Variants in GALM observed in about 807,000 individuals in gnomAD.
GALM encodes galactose mutarotase.
In GALM, 43 loss-of-function variants were observed where a neutral mutation model predicts 37.4. The observed-to-expected ratio is 1.15, with a 90% confidence interval of 0.90 to 1.48. The LOEUF (loss-of-function observed/expected upper bound fraction) is 1.48, where lower values mean the gene tolerates loss of function less well. Among genes scored for constraint, GALM ranks in the 40% most tolerant of loss-of-function variants. GALM has a pLI of 0.00. For synonymous variants in GALM, 199 were observed against 170.6 expected (o/e 1.17, Z -1.30); for missense variants, 456 against 419.1 (o/e 1.09, Z -0.77).
chr2:38,705,081 G>T (rs1666011225), intron 4 of GALM, among the ~76,000 whole-genome samples: 1 of 152,180 alleles, frequency 6.6e-6, no homozygotes, highest in African/African-American at 2.4e-5. Flanking sequence ...TGTGAAAATT[G>T]CAGGCTAACA....
At position 38,733,803 on chromosome 2, in the gene GALM, A is replaced by G. The variant is rs1666653643; in HGVS notation, c.*238A>G. 8.0e-6 allele frequency: 4 copies of G among 500,862 alleles called. No individual in the cohort carries two copies. The Admixed American group carries it at 9.3e-5, about 12-fold the overall frequency. The allele number at this position is 500,862 out of a possible 1,614,324, so 31.0% of individuals were successfully genotyped here. ...TTCAGAGGGCAAGTGAACCCAACCAACAATGTCGTCATCTAAGCCCTGACC... is the reference window on the plus strand; with the variant it reads ...TTCAGAGGGCAAGTGAACCCAACCAGCAATGTCGTCATCTAAGCCCTGACC... On this transcript the variant is annotated 3_prime_UTR_variant, in exon 7 of 7. Transcript: ENST00000272252.
chr2:38,705,287 C>T lies in GALM; in HGVS notation c.634+15393C>T, dbSNP rs541981602. Among the ~76,000 whole-genome samples the T allele has an allele frequency of 2.2e-4, 33 of 152,228 alleles. 4 individuals are homozygous for T. The South Asian group carries it at 6.0e-3, about 28-fold the overall frequency. On this transcript the variant is annotated intron_variant, in intron 4 of 6. Transcript: ENST00000272252. Reference sequence around the variant, plus strand: ...TAGTGGGACTGTGGGCCTTGGGCAACGGACCTGATGTTAACTCAAGTAAGT... The same window carrying T: ...TAGTGGGACTGTGGGCCTTGGGCAATGGACCTGATGTTAACTCAAGTAAGT...
intron 4 of GALM, among the ~76,000 whole-genome samples, chr2:38,713,120 C>T (rs1666204354): frequency 6.6e-6 from 1 of 152,086 alleles, no homozygotes; most frequent in Admixed American, 6.6e-5. Flanking sequence ...AGCAGGAGGC[C>T]CTGGGTCTGC....
intron 4 of GALM, among the ~76,000 whole-genome samples, chr2:38,708,221 G>A (rs1167081674): frequency 6.6e-6 from 1 of 151,886 alleles, no homozygotes; most frequent in African/African-American, 2.4e-5. Flanking sequence ...TATCTCTTGA[G>A]CCCAGAGAGC....
At chr2:38,702,324 A>T (rs1665935940) in intron 4 of GALM, among the ~76,000 whole-genome samples, 1 of 152,116 alleles carries the variant, frequency 6.6e-6, no homozygotes, top group Non-Finnish European at 1.5e-5. Context: ...CATTTCACTG[A>T]TCAAAAAAAT....
chr2:38,677,044 T>C (rs1458448519), intron 2 of GALM, among the ~76,000 whole-genome samples: 2 of 152,192 alleles, frequency 1.3e-5, no homozygotes, highest in Non-Finnish European at 2.9e-5. Context: ...AAAACGACCA[T>C]TCTTTAAGCA....
intron 4 of GALM, among the ~76,000 whole-genome samples, chr2:38,694,947 C>A (rs1665771207): frequency 6.6e-6 from 1 of 151,440 alleles, no homozygotes; most frequent in African/African-American, 2.4e-5. Context: ...GGAAAGTCAC[C>A]TCAGGTGTCA....
chr2:38,667,769 G>A (rs1664987150), intron 1 of GALM, among the ~76,000 whole-genome samples: 1 of 151,932 alleles, frequency 6.6e-6, no homozygotes, highest in African/African-American at 2.4e-5. Context: ...TCTGGGAGGC[G>A]GAAGTTGCAG....
Position 38,708,976 on chromosome 2 carries a change from C to T in GALM, c.634+19082C>T, listed in dbSNP as rs72795183. ...TTCTGTGGGCTTTCTCCAGCTCTCT[C>T]GGCAGGGCGGAGTCAGGAGCAGAGA... On this transcript the variant is annotated intron_variant, in intron 4 of 6. Transcript: ENST00000272252. 7.9e-3 allele frequency among the ~76,000 whole-genome samples: 1,195 copies of T among 152,162 alleles called. 9 individuals carry two copies. Among genetic ancestry groups the T allele is most frequent in the Non-Finnish European group, 0.012 (791 of 67,998 alleles).
intron 4 of GALM, among the ~76,000 whole-genome samples, chr2:38,695,311 T>A (rs1010504099): frequency 6.6e-6 from 1 of 151,628 alleles, no homozygotes; most frequent in Non-Finnish European, 1.5e-5. Context: ...ATAAATAAAT[T>A]AAATAAATAA....
At chr2:38,682,168 A>G (rs559917683) in intron 3 of GALM, 11 of 364,596 alleles carry the variant, frequency 3.0e-5, no homozygotes, top group Non-Finnish European at 6.5e-5. Flanking sequence ...AACTGCCCAC[A>G]TAAGAGTGGT....
At chr2:38,707,876 G>T (rs183829960) in intron 4 of GALM, among the ~76,000 whole-genome samples, 1 of 152,176 alleles carries the variant, frequency 6.6e-6, no homozygotes, top group East Asian at 1.9e-4. Flanking sequence ...GGGAGGCCGA[G>T]GTGGGTGGAT....
chr2:38,675,577 G>T (rs1665239287), intron 1 of GALM, among the ~76,000 whole-genome samples: 2 of 129,086 alleles, frequency 1.5e-5, no homozygotes, highest in African/African-American at 6.3e-5. Flanking sequence ...GTGTGTGTGT[G>T]TGTGTGTGTG....
At chr2:38,681,588 T>A in intron 3 of GALM, 102 bp downstream of exon 3, 1 of 965,024 alleles carries the variant, frequency 1.0e-6, no homozygotes, top group South Asian at 1.4e-5. Context: ...GGCAGTGAGG[T>A]CACCCTCATG....
At position 38,717,788 on chromosome 2, in the gene GALM, G is replaced by A. The variant is rs536102877; in HGVS notation, c.635-11768G>A. On this transcript the variant is annotated intron_variant, in intron 4 of 6. Transcript: ENST00000272252. The stretch of plus-strand genomic sequence containing the variant: ...GTGAGTAAGTCCATGTGAGCCCTAA[G>A]ACAGCTTGCATAGATTTGTAAAGCA... Among the ~76,000 whole-genome samples the A allele has an allele frequency of 2.6e-5, 4 of 152,012 alleles. No homozygotes were observed. The South Asian group carries it at 8.4e-4, about 32-fold the overall frequency.
intron 3 of GALM, among the ~76,000 whole-genome samples, chr2:38,689,158 A>G (rs951713556): frequency 6.6e-6 from 1 of 152,190 alleles, no homozygotes; most frequent in African/African-American, 2.4e-5. Flanking sequence ...ATGAGAGTCT[A>G]TGAGGTTAAA....
chr2:38,670,469 G>A (rs1242426196), intron 1 of GALM, among the ~76,000 whole-genome samples: 1 of 152,210 alleles, frequency 6.6e-6, no homozygotes, highest in Non-Finnish European at 1.5e-5. Context: ...TCACGCCCAG[G>A]AGCACCCTGG....
chr2:38,673,387 A>G (rs532844230), intron 1 of GALM, among the ~76,000 whole-genome samples: 1 of 152,314 alleles, frequency 6.6e-6, no homozygotes, highest in East Asian at 1.9e-4. Context: ...CAATCTCCAG[A>G]CCTTAATCTT....
intron 1 of GALM, among the ~76,000 whole-genome samples, chr2:38,675,124 G>A (rs1156473065): frequency 2.6e-5 from 4 of 152,074 alleles, no homozygotes; most frequent in African/African-American, 4.8e-5. Context: ...GCAGTTAGCC[G>A]AGATGGGGCC....
Sources: allele counts gnomAD v4.1 joint callset (sites outside exome capture counted in the v4.1 genomes callset), GRCh38; gene constraint gnomAD v4.1.1; transcripts MANE v1.5; gene names NCBI Gene and HGNC (gene_info 2026-07-23, HGNC 2026-07-21).